ZYG11B: variants seen among roughly 807,000 people sequenced by gnomAD.
ZYG11B encodes zyg-11 family member B, cell cycle regulator.
ZYG11B carries 36 observed loss-of-function variants against 82.4 expected under a neutral mutation model. That is an observed-to-expected ratio of 0.44 (90% CI 0.33 to 0.58). The LOEUF (loss-of-function observed/expected upper bound fraction) is 0.58. Ranked by LOEUF, ZYG11B falls within the 20% of genes least tolerant of loss-of-function variation. ZYG11B has a pLI of 0.02. For synonymous variants in ZYG11B, 303 were observed against 312.8 expected (o/e 0.97, Z 0.33); for missense variants, 552 against 895.6 (o/e 0.62, Z 4.90).
At chr1:52,817,353 A>AATCAGGTTCT (rs1476817357) in intron 13 of ZYG11B, among the ~76,000 whole-genome samples, 2 of 152,086 alleles carry the variant, frequency 1.3e-5, no homozygotes, top group African/African-American at 2.4e-5. Flanking sequence ...AAAGTGTTTG[A>AATCAGGTTCT]ATCAGGTTCT....
At chr1:52,746,814 C>T (rs1239208439) in intron 1 of ZYG11B, among the ~76,000 whole-genome samples, 2 of 140,484 alleles carry the variant, frequency 1.4e-5, no homozygotes, top group Non-Finnish European at 3.0e-5. Flanking sequence ...AATTACAGGG[C>T]TTCATTATCT....
chr1:52,777,455 TG>T (rs1390504395), intron 3 of ZYG11B, among the ~76,000 whole-genome samples: 1 of 152,136 alleles, frequency 6.6e-6, no homozygotes, highest in Non-Finnish European at 1.5e-5. Context: ...TAGGCTTTTT[TG>T]TTTTTTTTGA....
At position 52,820,759 on chromosome 1, in the gene ZYG11B, A is replaced by G. The variant is rs527862934; in HGVS notation, c.2045-680A>G. Among the ~76,000 whole-genome samples the G allele has an allele frequency of 2.0e-5, 3 of 151,242 alleles. No individual in the cohort carries two copies. In the South Asian group the frequency reaches 6.2e-4, roughly 31 times the overall value. On this transcript the variant is annotated intron_variant, in intron 13 of 13. Coordinates refer to ENST00000294353, the MANE Select transcript of ZYG11B (RefSeq NM_024646.3). ...AAAAGGCTAATAAAATATTTCAAAA[A>G]TTTAAAAATTGTATGTGCAGTATGA...
intron 4 of ZYG11B, among the ~76,000 whole-genome samples, chr1:52,782,286 C>G (rs1194594593): frequency 6.6e-6 from 1 of 152,018 alleles, no homozygotes; most frequent in East Asian, 1.9e-4. Flanking sequence ...GTGATGGAAA[C>G]CCACTGTGTT....
At chr1:52,738,507 G>GT (rs886158125) in intron 1 of ZYG11B, among the ~76,000 whole-genome samples, 2 of 151,256 alleles carry the variant, frequency 1.3e-5, no homozygotes, top group Non-Finnish European at 3.0e-5. Context: ...AAGATCTTTT[G>GT]TTTTTTCTGT....
intron 6 of ZYG11B, among the ~76,000 whole-genome samples, chr1:52,793,316 C>G (rs1644975048): frequency 6.6e-6 from 1 of 151,778 alleles, no homozygotes; most frequent in South Asian, 2.1e-4. Context: ...CTAGAGCAGC[C>G]TGGCCAACAT....
At chr1:52,727,671 C>T (rs796513871) in intron 1 of ZYG11B, among the ~76,000 whole-genome samples, 5 of 152,244 alleles carry the variant, frequency 3.3e-5, no homozygotes, top group African/African-American at 1.2e-4. Flanking sequence ...GTGACAGTCT[C>T]TTTAAACCTT....
At position 52,768,740 on chromosome 1, in the gene ZYG11B, C is replaced by T. The variant is rs558558909; in HGVS notation, c.197-2280C>T. 6.9e-4 allele frequency among the ~76,000 whole-genome samples: 105 copies of T among 152,000 alleles called. 1 individual carries two copies. Among genetic ancestry groups the T allele is most frequent in the African/African-American group, 2.0e-3 (85 of 41,464 alleles). ...TCCCAAGTAGCTGGTATTACAGGCG[C>T]GCACCACCACACCCATTTAATTTTT... is the stretch of plus-strand genomic sequence containing the variant. On this transcript the variant is annotated intron_variant, in intron 2 of 13. Coordinates refer to ENST00000294353, the MANE Select transcript of ZYG11B (RefSeq NM_024646.3).
chr1:52,803,213 T>C lies in ZYG11B; in HGVS notation c.1695+1074T>C, dbSNP rs1390079736. 1.0e-3 allele frequency among the ~76,000 whole-genome samples: 66 copies of C among 65,088 alleles called. 6 individuals carry two copies. The highest frequency in any genetic ancestry group is 3.3e-3 in the Admixed American group (16 of 4,882). The allele number at this position is 65,088 out of a possible 152,430, so 42.7% of individuals were successfully genotyped here. A position where few individuals can be genotyped will look rare whatever the true frequency, so the allele number is the denominator to read the frequency against. ...ACACATATATATATATACACACACA[T>C]ATATATATATACACACATATATATA... On this transcript the variant is annotated intron_variant, in intron 10 of 13. Transcript: ENST00000294353.
At position 52,822,938 on chromosome 1, in the gene ZYG11B, A is replaced by T. The variant is rs1645293692; in HGVS notation, c.*1309A>T. 1 of 152,214 alleles carries T rather than the reference A, an allele frequency of 6.6e-6. No homozygotes were observed. The highest frequency in any genetic ancestry group is 2.1e-4 in the South Asian group (1 of 4,832). The allele number at this position is 152,214 out of a possible 1,614,324, so 9.4% of individuals were successfully genotyped here. On this transcript the variant is annotated 3_prime_UTR_variant, in exon 14 of 14. Coordinates refer to ENST00000294353, the MANE Select transcript of ZYG11B (RefSeq NM_024646.3). ...ATAAGGTCAATCTACAATCCCAGAT[A>T]ACTACATTTTTTTTCATAGATGGCC...
chr1:52,729,207 G>A (rs529275664), intron 1 of ZYG11B, among the ~76,000 whole-genome samples: 1 of 152,218 alleles, frequency 6.6e-6, no homozygotes, highest in East Asian at 1.9e-4. Flanking sequence ...TTTTATAAGG[G>A]CACTAATCCC....
chr1:52,772,873 T>C (rs940320842), intron 3 of ZYG11B, among the ~76,000 whole-genome samples: 5 of 151,964 alleles, frequency 3.3e-5, no homozygotes, highest in African/African-American at 9.7e-5. Context: ...GAGACAGAGT[T>C]TCACTGTGTT....
chr1:52,771,826 C>A lies in ZYG11B; in HGVS notation c.951+52C>A. 6.5e-7 allele frequency: 1 copy of A among 1,538,858 alleles called. No individual in the cohort carries two copies. The highest frequency in any genetic ancestry group is 1.3e-5 in the South Asian group (1 of 79,316). Reference sequence around the variant, plus strand: ...GTCAGGCTGACCAATATCTTAGTTGCATAAGACTCTATTAAAGATGAATGT... The same window carrying A: ...GTCAGGCTGACCAATATCTTAGTTGAATAAGACTCTATTAAAGATGAATGT... On this transcript the variant is annotated intron_variant, in intron 3 of 13. Coordinates refer to ENST00000294353, the MANE Select transcript of ZYG11B (RefSeq NM_024646.3). The surrounding 1 kb of genome is among the most constrained non-coding windows in gnomAD (Gnocchi z 5.4).
At chr1:52,790,165 T>G in intron 6 of ZYG11B, 98 bp downstream of exon 6, 1 of 764,744 alleles carries the variant, frequency 1.3e-6, no homozygotes, top group Non-Finnish European at 2.0e-6. Flanking sequence ...TTTTATAAGA[T>G]TAATTGAATA....
At chr1:52,742,985 G>A (rs77433326) in intron 1 of ZYG11B, among the ~76,000 whole-genome samples, 1 of 151,460 alleles carries the variant, frequency 6.6e-6, no homozygotes, top group African/African-American at 2.4e-5. Flanking sequence ...GGTGGGGGGC[G>A]CCTCTGCCCG....
intron 2 of ZYG11B, among the ~76,000 whole-genome samples, chr1:52,765,120 CAAG>C (rs1644670883): frequency 6.6e-6 from 1 of 151,838 alleles, no homozygotes. Context: ...CCCCTGGCCT[CAAG>C]GAGTCCTCCT....
At chr1:52,775,820 G>C (rs1315435504) in intron 3 of ZYG11B, among the ~76,000 whole-genome samples, 1 of 151,792 alleles carries the variant, frequency 6.6e-6, no homozygotes, top group Admixed American at 6.6e-5. Context: ...GCTCACGCCT[G>C]TAATCCCAGC....
intron 6 of ZYG11B, 119 bp from the exon 7 acceptor site, chr1:52,796,173 A>G: frequency 3.1e-6 from 2 of 647,046 alleles, no homozygotes; most frequent in Non-Finnish European, 5.6e-6. Context: ...CTACCAGTTA[A>G]GAGGAATTTT....
intron 10 of ZYG11B, among the ~76,000 whole-genome samples, chr1:52,807,391 G>T (rs536955763): frequency 4.0e-5 from 6 of 151,758 alleles, no homozygotes; most frequent in Non-Finnish European, 5.9e-5. Flanking sequence ...ACTGTTTTTT[G>T]TAGTGAGAGC....
Sources: gnomAD v4.1 joint callset for allele counts (sites outside exome capture counted in the v4.1 genomes callset) on GRCh38, gnomAD v4.1.1 for gene constraint, Gnocchi (gnomAD v3.1) non-coding constraint, MANE v1.5 for transcripts, NCBI Gene and HGNC (gene_info 2026-07-23, HGNC 2026-07-21) for gene names.